The following CHEK1 variants were observed in gnomAD, a reference collection of about 807,000 sequenced individuals.
The protein encoded by CHEK1 is checkpoint kinase 1.
CHEK1 carries 32 observed loss-of-function variants against 60.2 expected under a neutral mutation model. The ratio of observed to expected loss-of-function variants is 0.53; its 90% CI spans 0.40 to 0.71. The LOEUF (loss-of-function observed/expected upper bound fraction) is 0.71. CHEK1 is among the 30% of genes least tolerant of loss of function. CHEK1 has a pLI of 0.00. For missense variants in CHEK1, 399 were observed against 564.6 expected (o/e 0.71, Z 2.97); for synonymous variants, 179 against 187.2 (o/e 0.96, Z 0.36).
chr11:125,629,341 A>ATACAT, intron 4 of CHEK1, 45 bp downstream of exon 4: 1 of 1,612,382 alleles, frequency 6.2e-7, no homozygotes, highest in Non-Finnish European at 8.5e-7. Flanking sequence ...ATTAGAGTGA[A>ATACAT]TACATTACAT....
intron 8 of CHEK1, among the ~76,000 whole-genome samples, chr11:125,642,552 GAGCATGTTTAAAAAGAAACAAACTTA>G (rs1243796597): frequency 6.6e-6 from 1 of 152,142 alleles, no homozygotes; most frequent in African/African-American, 2.4e-5. Flanking sequence ...AAAAAAACTT[GAGCATGTTTAAAAAGAAACAAACTTA>G]AGCATGTTTA....
In CHEK1 at chr11:125,655,239, G is replaced by A; in HGVS notation, c.1350G>A (p.Glu450=). Residue 450 remains glutamate, a synonymous_variant, in exon 13 of 13, where the codon GAG becomes GAA. Transcript: ENST00000438015. The stretch of plus-strand genomic sequence containing the variant: ...TTCTAATATAGGGTGATGGATTGGA[G>A]TTCAAGAGACACTTCCTGAAGATTA... ...DFRLSKGDGL[E]FKRHFLKIKG... is the part of the protein sequence containing the mutation. The A allele has an allele frequency of 1.2e-6, 2 of 1,612,922 alleles. No homozygotes were observed. The highest frequency in any genetic ancestry group is 8.5e-7 in the Non-Finnish European group (1 of 1,179,046).
chr11:125,637,550 A>T lies in CHEK1; in HGVS notation c.814+6A>T. On this transcript the variant is annotated splice_donor_region_variant and intron_variant, in intron 8 of 12. Coordinates refer to ENST00000438015, the MANE Select transcript of CHEK1 (RefSeq NM_001114122.3). ...CAACAAACCCCTCAAGAAAGGTAAT[A>T]TCCTTAAACTACAAGTTTGTTTGTT... The T allele has an allele frequency of 1.3e-6, 2 of 1,584,334 alleles. No homozygotes were observed. The highest frequency in any genetic ancestry group is 4.5e-5 in the East Asian group (2 of 44,198).
At chr11:125,637,158 G>A (rs1941101393) in intron 7 of CHEK1, among the ~76,000 whole-genome samples, 1 of 152,122 alleles carries the variant, frequency 6.6e-6, no homozygotes, top group African/African-American at 2.4e-5. Context: ...GATAAGAGGG[G>A]TTTCTGTATC....
intron 11 of CHEK1, among the ~76,000 whole-genome samples, chr11:125,648,634 CTTT>C (rs746598087): frequency 5.9e-5 from 8 of 136,400 alleles, no homozygotes; most frequent in Non-Finnish European, 6.4e-5. Context: ...AATTGTTTTA[CTTT>C]TTTTTTTTTT....
intron 13 of CHEK1, among the ~76,000 whole-genome samples, chr11:125,662,899 G>C (rs2136079431): frequency 6.6e-6 from 1 of 151,958 alleles, no homozygotes; most frequent in South Asian, 2.1e-4. Context: ...ACTATTTTTT[G>C]TTTTAGCCAT....
At chr11:125,631,136 A>G (rs948376726) in intron 5 of CHEK1, among the ~76,000 whole-genome samples, 1 of 152,342 alleles carries the variant, frequency 6.6e-6, no homozygotes, top group East Asian at 1.9e-4. Context: ...GGTCTAAGAA[A>G]GTAGGGGAGG....
chr11:125,636,058 G>A (rs1941062586), intron 7 of CHEK1: 1 of 152,076 alleles, frequency 6.6e-6, no homozygotes, highest in South Asian at 2.1e-4. Context: ...GTGTATCTAA[G>A]TATAGAAAAA....
At chr11:125,677,021 T>C (rs1942542847), downstream of CHEK1, among the ~76,000 whole-genome samples, 1 of 152,226 alleles carries the variant, frequency 6.6e-6, no homozygotes, top group South Asian at 2.1e-4. Context: ...TTTTACTGTC[T>C]CTACTGCTAA....
intron 8 of CHEK1, among the ~76,000 whole-genome samples, chr11:125,638,156 C>T (rs1244400755): frequency 6.6e-6 from 1 of 152,172 alleles, no homozygotes; most frequent in Non-Finnish European, 1.5e-5. Context: ...AACTTAAGAC[C>T]ACTGGGGAGA....
chr11:125,638,431 G>A lies in CHEK1; in HGVS notation c.814+887G>A, dbSNP rs575825805. Among the ~76,000 whole-genome samples the A allele has an allele frequency of 1.3e-4, 20 of 151,870 alleles. 1 individual carries two copies. Among genetic ancestry groups the A allele is most frequent in the Non-Finnish European group, 2.8e-4 (19 of 67,970 alleles). On this transcript the variant is annotated intron_variant, in intron 8 of 12. Coordinates refer to ENST00000438015, the MANE Select transcript of CHEK1 (RefSeq NM_001114122.3). Reference sequence around the variant, plus strand: ...GTTAGGCTGTGAATGGAAGGAGAGAGGACAATGACTAGAGATGATGAATGA... The same window carrying A: ...GTTAGGCTGTGAATGGAAGGAGAGAAGACAATGACTAGAGATGATGAATGA...
intron 8 of CHEK1, among the ~76,000 whole-genome samples, chr11:125,642,645 A>C (rs770962664): frequency 6.6e-6 from 1 of 152,164 alleles, no homozygotes; most frequent in Non-Finnish European, 1.5e-5. Context: ...AAGAGAAAGG[A>C]AATAAATAAC....
downstream of CHEK1, among the ~76,000 whole-genome samples, chr11:125,660,422 CATT>C (rs1433900175): frequency 6.6e-6 from 1 of 152,054 alleles, no homozygotes; most frequent in East Asian, 1.9e-4. Context: ...GACAGGGTCT[CATT>C]ATATTGCCTA....
chr11:125,671,064 A>G lies in CHEK1; in HGVS notation c.*28-4864A>G, dbSNP rs1175794823. ...TAGGCCTATTGACATGAGCCATCAT[A>G]CCCAGTTAATTTTTTAACTTTTTGT... On this transcript the variant is annotated intron_variant, in intron 13 of 13. Coordinates refer to the CHEK1 transcript ENST00000428830. Among the ~76,000 whole-genome samples, 3 of 152,078 alleles carry G rather than the reference A, an allele frequency of 2.0e-5. 1 individual carries two copies. Among genetic ancestry groups the G allele is most frequent in the Middle Eastern group, 6.8e-3 (2 of 294 alleles).
intron 13 of CHEK1, among the ~76,000 whole-genome samples, chr11:125,664,657 C>T (rs1942069091): frequency 1.3e-5 from 2 of 152,182 alleles, no homozygotes; most frequent in South Asian, 4.1e-4. Context: ...GTCTGAGTTT[C>T]ATATGAATTC....
chr11:125,678,445 A>G, downstream of CHEK1: 1 of 932,712 alleles, frequency 1.1e-6, no homozygotes, highest in Non-Finnish European at 1.6e-6. Context: ...ATGTTGGGAA[A>G]AATCAACTAA....
chr11:125,660,322 A>C (rs61919035), downstream of CHEK1, among the ~76,000 whole-genome samples: 1 of 152,324 alleles, frequency 6.6e-6, no homozygotes, highest in Non-Finnish European at 1.5e-5. Context: ...CTGCTTATAC[A>C]GTGAATTACT....
downstream of CHEK1, among the ~76,000 whole-genome samples, chr11:125,658,472 T>C (rs1404786625): frequency 6.6e-5 from 10 of 152,168 alleles, no homozygotes; most frequent in Non-Finnish European, 5.9e-5. Flanking sequence ...ACTAGTCCTT[T>C]GTCAATTTAC....
At chr11:125,678,978 T>TTTTATATATATATATATATA (rs1555078664), downstream of CHEK1, among the ~76,000 whole-genome samples, 6 of 88,444 alleles carry the variant, frequency 6.8e-5, no homozygotes, top group South Asian at 4.5e-4. Flanking sequence ...TCTAGGCATA[T>TTTTATATATATATATATATA]TATATATATA....
Sources: gnomAD v4.1 joint callset for allele counts (sites outside exome capture counted in the v4.1 genomes callset) on GRCh38, gnomAD v4.1.1 for gene constraint, MANE v1.5 for transcripts, NCBI Gene and HGNC (gene_info 2026-07-23, HGNC 2026-07-21) for gene names.